Variants in GPC6 observed in about 807,000 individuals in gnomAD.
GPC6 encodes glypican-6.
Under a neutral mutation model 55.2 loss-of-function variants are expected in GPC6, and 14 were observed. The observed-to-expected ratio is 0.25, with a 90% CI of 0.17 to 0.40. The LOEUF (loss-of-function observed/expected upper bound fraction) is 0.40, where lower values mean the gene tolerates loss of function less well. GPC6 is among the 10% of genes least tolerant of loss of function. The pLI, the probability that GPC6 is intolerant of heterozygous loss-of-function variation, is 1.00. For synonymous variants in GPC6, 278 were observed against 259.6 expected (o/e 1.07, Z -0.68); for missense variants, 641 against 708.5 (o/e 0.90, Z 1.08).
intron 3 of GPC6, among the ~76,000 whole-genome samples, chr13:93,877,987 C>T (rs1421670796): frequency 1.3e-5 from 2 of 151,898 alleles, no homozygotes; most frequent in Non-Finnish European, 2.9e-5. Context: ...GTTTGAAAAG[C>T]AGTACATTTT....
chr13:94,288,872 T>G (rs12861732), intron 5 of GPC6, among the ~76,000 whole-genome samples: 1 of 29,246 alleles, frequency 3.4e-5, no homozygotes, highest in African/African-American at 1.3e-4. Flanking sequence ...ATATATTTGT[T>G]ATATATATAA....
intron 1 of GPC6, among the ~76,000 whole-genome samples, chr13:93,365,169 C>A (rs546800501): frequency 6.6e-6 from 1 of 152,208 alleles, no homozygotes; most frequent in East Asian, 1.9e-4. Context: ...CCACAGTAAA[C>A]TGCAAGTTTA....
chr13:94,299,481 A>G (rs1010678396), intron 5 of GPC6, among the ~76,000 whole-genome samples: 2 of 152,212 alleles, frequency 1.3e-5, no homozygotes. Flanking sequence ...AGGTGATGGT[A>G]TTTGGAGATG....
At chr13:93,877,842 A>T (rs1047552173) in intron 3 of GPC6, among the ~76,000 whole-genome samples, 1 of 152,108 alleles carries the variant, frequency 6.6e-6, no homozygotes, top group Non-Finnish European at 1.5e-5. Flanking sequence ...TTCGTTGATT[A>T]CATTGGTGGA....
chr13:93,252,434 C>T (rs1440198483), intron 1 of GPC6, among the ~76,000 whole-genome samples: 1 of 152,196 alleles, frequency 6.6e-6, no homozygotes, highest in Non-Finnish European at 1.5e-5. Flanking sequence ...GATTTGTGCA[C>T]ACTCGTGACA....
At chr13:93,932,580 AATATT>A (rs1594598916) in intron 3 of GPC6, among the ~76,000 whole-genome samples, 1 of 152,208 alleles carries the variant, frequency 6.6e-6, no homozygotes, top group African/African-American at 2.4e-5. Context: ...AAATTAAATA[AATATT>A]ATATTATATC....
chr13:93,496,790 C>G (rs2139366227), intron 1 of GPC6, among the ~76,000 whole-genome samples: 1 of 152,242 alleles, frequency 6.6e-6, no homozygotes, highest in South Asian at 2.1e-4. Context: ...ATACAGTTAT[C>G]ATGATGATTT....
intron 4 of GPC6, among the ~76,000 whole-genome samples, chr13:94,098,027 G>A (rs1452605759): frequency 6.6e-6 from 1 of 152,110 alleles, no homozygotes; most frequent in Non-Finnish European, 1.5e-5. Flanking sequence ...AAGTTCTCAG[G>A]CTCTGAGAAA....
At chr13:93,527,426 A>C (rs1881698192) in intron 1 of GPC6, among the ~76,000 whole-genome samples, 1 of 152,006 alleles carries the variant, frequency 6.6e-6, no homozygotes, top group South Asian at 2.1e-4. Flanking sequence ...TAATTTCATG[A>C]GTCTTTGTTT....
intron 1 of GPC6, among the ~76,000 whole-genome samples, chr13:93,287,286 C>T (rs1427789055): frequency 1.3e-5 from 2 of 152,090 alleles, no homozygotes; most frequent in Admixed American, 6.5e-5. Flanking sequence ...TTTAAAAAGT[C>T]GCCAATGAGA....
chr13:93,834,578 G>A (rs1451016190), intron 3 of GPC6, among the ~76,000 whole-genome samples: 4 of 150,944 alleles, frequency 2.6e-5, no homozygotes, highest in Admixed American at 1.3e-4. Flanking sequence ...CTTGAGGAGT[G>A]TGTGTGTGTG....
intron 4 of GPC6, among the ~76,000 whole-genome samples, chr13:94,033,085 A>G (rs1413182624): frequency 6.6e-6 from 1 of 152,194 alleles, no homozygotes; most frequent in East Asian, 1.9e-4. Context: ...GAATCGAATA[A>G]TGGACCCAAC....
intron 4 of GPC6, among the ~76,000 whole-genome samples, chr13:94,257,100 C>G (rs958742387): frequency 5.3e-5 from 8 of 152,142 alleles, no homozygotes; most frequent in Non-Finnish European, 1.2e-4. Flanking sequence ...TAGGGAGACC[C>G]TAACTGATTT....
rs184226150 is a variant in GPC6 at position 93,855,018 on chromosome 13, C to A, written c.711+24473C>A. ...TGGCACATGTGTTATGACTGATGAA[C>A]CTCATTGACACATCATTATCAAAAA... is the stretch of plus-strand genomic sequence containing the variant. On this transcript the variant is annotated intron_variant, in intron 3 of 8. Coordinates refer to ENST00000377047, the MANE Select transcript of GPC6 (RefSeq NM_005708.5). Among the ~76,000 whole-genome samples the A allele has an allele frequency of 3.7e-3, 555 of 151,710 alleles. 1 individual carries two copies. Among genetic ancestry groups the A allele is most frequent in the Non-Finnish European group, 5.0e-3 (337 of 67,754 alleles).
intron 1 of GPC6, among the ~76,000 whole-genome samples, chr13:93,451,489 G>C (rs956825714): frequency 1.3e-5 from 2 of 152,162 alleles, no homozygotes; most frequent in Non-Finnish European, 2.9e-5. Flanking sequence ...AATATTTCCT[G>C]ACAAGTGGAA....
intron 2 of GPC6, among the ~76,000 whole-genome samples, chr13:93,663,730 A>G (rs1359391521): frequency 1.3e-5 from 2 of 152,218 alleles, no homozygotes; most frequent in African/African-American, 2.4e-5. Flanking sequence ...TCTACACAAC[A>G]AGAAGTTTGT....
intron 2 of GPC6, among the ~76,000 whole-genome samples, chr13:93,556,413 T>TATAC (rs1875478606): frequency 7.2e-6 from 1 of 138,060 alleles, no homozygotes; most frequent in Admixed American, 7.1e-5. Flanking sequence ...TATATGTATA[T>TATAC]ATATATATAT....
intron 2 of GPC6, among the ~76,000 whole-genome samples, chr13:93,758,646 T>C (rs1166851810): frequency 6.6e-6 from 1 of 152,048 alleles, no homozygotes; most frequent in African/African-American, 2.4e-5. Flanking sequence ...GCCTTTTTTT[T>C]TTCCTTCTTA....
chr13:94,078,570 T>G (rs2138792854), intron 4 of GPC6, among the ~76,000 whole-genome samples: 1 of 151,976 alleles, frequency 6.6e-6, no homozygotes, highest in African/African-American at 2.4e-5. Flanking sequence ...ACATTAAAAA[T>G]TGATGCTGCA....
Sources: gnomAD v4.1 joint callset for allele counts (sites outside exome capture counted in the v4.1 genomes callset) on GRCh38, gnomAD v4.1.1 for gene constraint, MANE v1.5 for transcripts, NCBI Gene and HGNC (gene_info 2026-07-23, HGNC 2026-07-21) for gene names.